The following SRP19 variants were observed in gnomAD, a reference collection of about 807,000 sequenced individuals.
The protein encoded by SRP19 is signal recognition particle 19, also known as signal recognition particle 19 kDa protein.
Under a neutral mutation model 22.4 loss-of-function variants are expected in SRP19, and 11 were observed. The observed-to-expected ratio is 0.49, with a 90% CI of 0.31 to 0.81. SRP19 has a LOEUF of 0.81. Ranked by LOEUF, SRP19 falls within the 40% of genes least tolerant of loss-of-function variation. The pLI is 0.05. For missense variants in SRP19, 168 were observed against 175.9 expected, an observed-to-expected ratio of 0.96 and a Z score of 0.25; for synonymous variants, 61 against 57.6, an observed-to-expected ratio of 1.06 and a Z score of -0.27.
At chr5:112,877,273 T>A (rs889417238) in intron 4 of SRP19, 3 of 152,190 alleles carry the variant, frequency 2.0e-5, no homozygotes, top group Non-Finnish European at 4.4e-5. Context: ...TCTTACCTGA[T>A]TGTTATCTCA....
chr5:112,864,825 A>G (rs1767538227), intron 4 of SRP19, 93 bp downstream of exon 4: 1 of 941,224 alleles, frequency 1.1e-6, no homozygotes, highest in Non-Finnish European at 1.6e-6. Flanking sequence ...AAAAGTCAGA[A>G]TTTGCATTCT....
rs1360232051 is a variant in SRP19, at chr5:112,868,437, G to A, written c.*900G>A. On this transcript the variant is annotated 3_prime_UTR_variant, in exon 5 of 5. Transcript: ENST00000505459. ...GTTTTTGAGATGGAGTTTCACTCTT[G>A]TTGCCTAGGCTGGAGTGCAATGGCA... The A allele has an allele frequency of 1.0e-6, 1 of 970,858 alleles. No homozygotes were observed. Among genetic ancestry groups the A allele is most frequent in the Non-Finnish European group, 1.2e-6 (1 of 814,712 alleles). 60.1% of individuals were successfully genotyped at this position (970,858 alleles called of 1,614,324 possible). A position where few individuals can be genotyped will look rare whatever the true frequency, so the allele number is the denominator to read the frequency against.
At chr5:112,871,758 CA>C (rs1561641769), downstream of SRP19, among the ~76,000 whole-genome samples, 1 of 151,918 alleles carries the variant, frequency 6.6e-6, no homozygotes, top group South Asian at 2.1e-4. Flanking sequence ...AACTCCGTCT[CA>C]AAAAAAATTT....
chr5:112,876,045 AAG>A, intron 4 of SRP19, among the ~76,000 whole-genome samples: 1 of 151,930 alleles, frequency 6.6e-6, no homozygotes, highest in Non-Finnish European at 1.5e-5. Context: ...AAAAAAAAAA[AAG>A]TTTATTACAT....
At chr5:112,864,242 T>G (rs530291476) in intron 2 of SRP19, among the ~76,000 whole-genome samples, 1 of 152,346 alleles carries the variant, frequency 6.6e-6, no homozygotes, top group South Asian at 2.1e-4. Flanking sequence ...CTCAGAAGTT[T>G]ATGTTCTGTT....
At chr5:112,891,461 A>C (rs1768444950) in intron 4 of SRP19, 19 of 732,032 alleles carry the variant, frequency 2.6e-5, no homozygotes, top group African/African-American at 3.6e-5. Context: ...GTCTAACTGC[A>C]ATATAAAGGA....
chr5:112,866,318 C>A (rs1362947127), intron 4 of SRP19, among the ~76,000 whole-genome samples: 2 of 151,836 alleles, frequency 1.3e-5, no homozygotes, highest in Non-Finnish European at 2.9e-5. Context: ...GTTTCTCCAT[C>A]TTGGTCAGGC....
chr5:112,881,312 G>A (rs537595041), intron 4 of SRP19, among the ~76,000 whole-genome samples: 1 of 152,072 alleles, frequency 6.6e-6, no homozygotes, highest in East Asian at 1.9e-4. Flanking sequence ...CATCAGTGCT[G>A]CTGGAGAACT....
At chr5:112,887,463 A>G (rs1262857527) in intron 4 of SRP19, among the ~76,000 whole-genome samples, 4 of 152,226 alleles carry the variant, frequency 2.6e-5, no homozygotes, top group Admixed American at 2.6e-4. Context: ...ACGTTTTAGT[A>G]TATAGCTGTA....
chr5:112,896,260 C>T (rs1006766391), downstream of SRP19: 1 of 152,640 alleles, frequency 6.6e-6, no homozygotes, highest in Non-Finnish European at 1.5e-5. Flanking sequence ...TGGCTTACGC[C>T]TGTAATCCTA....
intron 4 of SRP19, among the ~76,000 whole-genome samples, 186 bp from the exon 5 acceptor site, chr5:112,867,218 A>G (rs1312355701): frequency 6.6e-6 from 1 of 151,744 alleles, no homozygotes; most frequent in Non-Finnish European, 1.5e-5. Context: ...CATTATTCTC[A>G]CTCTCAGTAC....
At chr5:112,889,085 T>C (rs1030419626) in intron 4 of SRP19, among the ~76,000 whole-genome samples, 2 of 150,910 alleles carry the variant, frequency 1.3e-5, no homozygotes, top group Non-Finnish European at 2.9e-5. Flanking sequence ...TCTTCCACCA[T>C]GATTGTGAGG....
downstream of SRP19, chr5:112,897,350 ATCACACACACAC>A (rs70973656): frequency 0.29 from 36,946 of 129,460 alleles, 5,085 homozygotes; most frequent in Non-Finnish European, 0.37. Flanking sequence ...AACACATCCC[ATCACACACACAC>A]ACACACACAC....
At chr5:112,882,498 T>C (rs1488783182) in intron 4 of SRP19, among the ~76,000 whole-genome samples, 1 of 152,220 alleles carries the variant, frequency 6.6e-6, no homozygotes, top group African/African-American at 2.4e-5. Flanking sequence ...ACCTACTCTG[T>C]AGCTATACCC....
At chr5:112,893,094 TAAAAAAA>T (rs552226372), downstream of SRP19, 50,651 of 498,080 alleles carry the variant, frequency 0.1, 989 homozygotes, top group Middle Eastern at 0.12. Flanking sequence ...GTTTTGTTCT[TAAAAAAA>T]AAAAAAAAAA....
intron 4 of SRP19, among the ~76,000 whole-genome samples, chr5:112,879,939 T>G (rs1440552696): frequency 6.6e-6 from 1 of 152,004 alleles, no homozygotes; most frequent in Non-Finnish European, 1.5e-5. Flanking sequence ...TTAAAAAAAT[T>G]TTAAAAGCCC....
At chr5:112,864,940 ATTTTTC>A in intron 4 of SRP19, 1 of 383,524 alleles carries the variant, frequency 2.6e-6, no homozygotes, top group Non-Finnish European at 4.6e-6. Context: ...CCCACTAAAC[ATTTTTC>A]AAAAAAATTG....
intron 4 of SRP19, among the ~76,000 whole-genome samples, chr5:112,874,855 A>G (rs907068137): frequency 4.7e-5 from 7 of 150,246 alleles, no homozygotes; most frequent in African/African-American, 1.7e-4. Flanking sequence ...GGCTCACTGC[A>G]ACCTCTGCCT....
At position 112,868,400 on chromosome 5, in the gene SRP19, G is replaced by A; in HGVS notation, c.*863G>A. ...AGTAAATTCCATTTTTTTTAAGTTT[G>A]TTTGTTTGTTTGTTTTTGAGATGGA... On this transcript the variant is annotated 3_prime_UTR_variant, in exon 5 of 5. Coordinates refer to ENST00000505459, the MANE Select transcript of SRP19 (RefSeq NM_003135.3). 1 of 1,001,574 alleles carries A rather than the reference G, an allele frequency of 1.0e-6. No individual in the cohort carries two copies. 62.0% of individuals were successfully genotyped at this position (1,001,574 alleles called of 1,614,324 possible). A position where few individuals can be genotyped will look rare whatever the true frequency, so the allele number is the denominator to read the frequency against.
Sources: gnomAD v4.1 joint callset for allele counts (sites outside exome capture counted in the v4.1 genomes callset) on GRCh38, gnomAD v4.1.1 for gene constraint, MANE v1.5 for transcripts, NCBI Gene and HGNC (gene_info 2026-07-23, HGNC 2026-07-21) for gene names.